Variants in KCNK18 observed in about 807,000 individuals in gnomAD.
The protein encoded by KCNK18 is potassium two pore domain channel subfamily K member 18, also known as potassium channel subfamily K member 18.
KCNK18 carries 8 observed loss-of-function variants against 11.8 expected under a neutral mutation model. That is an observed-to-expected ratio of 0.68 (90% CI 0.40 to 1.22). The LOEUF (loss-of-function observed/expected upper bound fraction) is 1.22, where lower values mean the gene tolerates loss of function less well. Among genes scored for constraint, KCNK18 ranks in the 50% most tolerant of loss-of-function variants. The pLI is 0.01. For synonymous variants in KCNK18, 208 were observed against 185.8 expected (o/e 1.12, Z -0.97); for missense variants, 442 against 465.4 (o/e 0.95, Z 0.46).
At chr10:117,208,835 G>A (rs1855107622) in intron 2 of KCNK18, among the ~76,000 whole-genome samples, 1 of 151,512 alleles carries the variant, frequency 6.6e-6, no homozygotes, top group African/African-American at 2.4e-5. Context: ...CCACCTCCCG[G>A]CTTCAAGTGA....
chr10:117,202,689 T>C (rs1308567160), intron 2 of KCNK18, among the ~76,000 whole-genome samples: 2 of 152,118 alleles, frequency 1.3e-5, no homozygotes, highest in Non-Finnish European at 2.9e-5. Flanking sequence ...GGCAAGGGGA[T>C]TGGAGCACCA....
At chr10:117,203,619 A>C (rs1250815264) in intron 2 of KCNK18, among the ~76,000 whole-genome samples, 1 of 152,170 alleles carries the variant, frequency 6.6e-6, no homozygotes, top group Non-Finnish European at 1.5e-5. Flanking sequence ...AGCTCACTGC[A>C]ACCTCCGCCT....
rs1220523754 is a variant in KCNK18, at chr10:117,210,107, C to T, written c.963C>T (p.Leu321=). The T allele has an allele frequency of 6.2e-7, 1 of 1,614,204 alleles. No individual in the cohort carries two copies. Residue 321 remains leucine, a synonymous_variant, in exon 3 of 3, where the codon CTC becomes CTT. Coordinates refer to ENST00000334549, the MANE Select transcript of KCNK18 (RefSeq NM_181840.1). ...ENAFYFCFVT[L]TTIGFGDTVL... Reference sequence around the variant, plus strand: ...CCTTCTATTTCTGCTTTGTCACACTCACCACCATTGGGTTTGGGGATACTG... The same window carrying T: ...CCTTCTATTTCTGCTTTGTCACACTTACCACCATTGGGTTTGGGGATACTG...
In KCNK18 at chr10:117,204,569, C is replaced by T. The variant is rs183404681; in HGVS notation, c.352+3282C>T. Among the ~76,000 whole-genome samples the T allele has an allele frequency of 1.9e-4, 29 of 152,304 alleles. No homozygotes were observed. In the East Asian group the frequency reaches 5.0e-3, roughly 26 times the overall value. On this transcript the variant is annotated intron_variant, in intron 2 of 2. Coordinates refer to ENST00000334549, the MANE Select transcript of KCNK18 (RefSeq NM_181840.1). ...ATTGCAATGGTTGTCAAAATGTGGT[C>T]CCTGAGTAACATCGACATCACTGGG...
Position 117,210,243 on chromosome 10 carries a change from A to AT in KCNK18, c.1099_1100insT (p.Lys367IlefsTer17), listed in dbSNP as rs1843748086. On this transcript the variant is annotated frameshift_variant, in exon 3 of 3. Transcript: ENST00000334549. LOFTEE classifies it low-confidence loss of function (END_TRUNC). ...GCAAAACAGGCTGATTGACATATAC[A>AT]AAAATGTTATGCTATTCTTTGCAAA... 1 of 1,614,064 alleles carries AT rather than the reference A, an allele frequency of 6.2e-7. No homozygotes were observed. The highest frequency in any genetic ancestry group is 1.3e-5 in the African/African-American group (1 of 74,952).
intron 2 of KCNK18, among the ~76,000 whole-genome samples, chr10:117,206,811 G>A (rs1241056275): frequency 6.6e-6 from 1 of 152,156 alleles, no homozygotes; most frequent in African/African-American, 2.4e-5. Context: ...GTGCACGGAG[G>A]CTAGGTTTCA....
intron 2 of KCNK18, among the ~76,000 whole-genome samples, chr10:117,204,530 T>C (rs1855055106): frequency 6.6e-6 from 1 of 152,156 alleles, no homozygotes; most frequent in Non-Finnish European, 1.5e-5. Context: ...TTGCCCGCTA[T>C]TGAGAAATGA....
rs147749657 is a variant in KCNK18, at chr10:117,210,151, T to C, written c.1007T>C (p.Phe336Ser). 1.4e-4 allele frequency: 227 copies of C among 1,614,108 alleles called. No homozygotes were observed. The highest frequency in any genetic ancestry group is 1.7e-4 in the Non-Finnish European group (196 of 1,180,062). Residue 336 changes from phenylalanine to serine, a missense_variant, in exon 3 of 3, where the codon TTC becomes TCC. Coordinates refer to ENST00000334549, the MANE Select transcript of KCNK18 (RefSeq NM_181840.1). ...GATACTGTTTTAGAACACCCTAACT[T>C]CTTCCTGTTCTTCTCCATTTATATC... ...FGDTVLEHPN[F>S]FLFFSIYIIV... is the part of the protein sequence containing the mutation.
In KCNK18 at chr10:117,210,077, G is replaced by A; in HGVS notation, c.933G>A (p.Glu311=). The change falls in exon 3 of 3, where the codon GAG becomes GAA. Residue 311 remains glutamate, a synonymous_variant. Coordinates refer to ENST00000334549, the MANE Select transcript of KCNK18 (RefSeq NM_181840.1). ...TCTGGGAGACACAGTTGGATTTCGA[G>A]AATGCCTTCTATTTCTGCTTTGTCA... The part of the protein sequence containing the change: ...LPFWETQLDF[E]NAFYFCFVTL... The A allele has an allele frequency of 6.2e-7, 1 of 1,614,174 alleles. No homozygotes were observed. Among genetic ancestry groups the A allele is most frequent in the Non-Finnish European group, 8.5e-7 (1 of 1,180,034 alleles).
rs1855117083 is a variant in KCNK18, at chr10:117,209,543, C to T, written c.399C>T (p.Cys133=). ...YPVTRLGKYL[C]MLYALFGIPL... ...TCACCAGGCTTGGCAAGTACTTGTG[C>T]ATGCTCTATGCTCTCTTTGGTATCC... Residue 133 remains cysteine (C), a synonymous_variant, in exon 3 of 3, where the codon TGC becomes TGT. Coordinates refer to ENST00000334549, the MANE Select transcript of KCNK18 (RefSeq NM_181840.1). 6.2e-7 allele frequency: 1 copy of T among 1,614,134 alleles called. No homozygotes were observed. Among genetic ancestry groups the T allele is most frequent in the East Asian group, 2.2e-5 (1 of 44,884 alleles).
At chr10:117,206,877 G>A (rs1855082988) in intron 2 of KCNK18, among the ~76,000 whole-genome samples, 1 of 152,174 alleles carries the variant, frequency 6.6e-6, no homozygotes, top group Non-Finnish European at 1.5e-5. Flanking sequence ...CACTGTCACT[G>A]TATGGATAAC....
intron 1 of KCNK18, 107 bp downstream of exon 1, chr10:117,197,818 G>A: frequency 1.1e-6 from 1 of 913,096 alleles, no homozygotes; most frequent in Non-Finnish European, 1.8e-6. Context: ...CTGCCTGCCT[G>A]GATCCTCCTC....
rs762326117 is a variant in KCNK18, at chr10:117,197,515, C to T, written c.27C>T (p.Ala9=). 40 of 1,613,608 alleles carry T rather than the reference C, an allele frequency of 2.5e-5. 1 individual carries two copies. The South Asian group carries it at 3.2e-4, about 13-fold the overall frequency. The change falls in exon 1 of 3, where the codon GCC becomes GCT. Residue 9 remains alanine, a synonymous_variant. Coordinates refer to ENST00000334549, the MANE Select transcript of KCNK18 (RefSeq NM_181840.1). MEVSGHPQ[A]RRCCPEALGK... Reference sequence around the variant, plus strand: ...TGGAGGTCTCGGGGCACCCCCAGGCCAGGAGATGCTGCCCAGAGGCCCTGG... The same window carrying T: ...TGGAGGTCTCGGGGCACCCCCAGGCTAGGAGATGCTGCCCAGAGGCCCTGG...
At chr10:117,199,921 G>C (rs894225859) in intron 1 of KCNK18, among the ~76,000 whole-genome samples, 1 of 152,184 alleles carries the variant, frequency 6.6e-6, no homozygotes, top group African/African-American at 2.4e-5. Context: ...GAGCCATTCA[G>C]GAACCTCTCT....
chr10:117,201,172 A>T lies in KCNK18; in HGVS notation c.237A>T (p.Arg79Ser). 1 of 1,614,218 alleles carries T rather than the reference A, an allele frequency of 6.2e-7. No homozygotes were observed. Among genetic ancestry groups the T allele is most frequent in the Non-Finnish European group, 8.5e-7 (1 of 1,180,036 alleles). Residue 79 changes from arginine to serine, a missense_variant, in exon 2 of 3, where the codon AGA becomes AGT. Arg to Ser is a moderately radical substitution (Grantham distance 110). Transcript: ENST00000334549. ...GTCTTTCTCCAGTGGTGGAAGACAG[A>T]AAACAGGATCTCCAGGGGCATCTGC... ...LNCSETVVED[R>S]KQDLQGHLQK...
rs750157980 is a variant in KCNK18, at chr10:117,202,885, G to GTTTTTTTTTTTTTTTTTTTT, written c.352+1598_352+1599insTTTTTTTTTTTTTTTTTTTT. Among the ~76,000 whole-genome samples, 7 of 111,294 alleles carry GTTTTTTTTTTTTTTTTTTTT rather than the reference G, an allele frequency of 6.3e-5. 3 individuals are homozygous for GTTTTTTTTTTTTTTTTTTTT. Among genetic ancestry groups the GTTTTTTTTTTTTTTTTTTTT allele is most frequent in the Non-Finnish European group, 3.5e-5 (2 of 57,276 alleles). 73.0% of individuals were successfully genotyped at this position (111,294 alleles called of 152,430 possible). A position where few individuals can be genotyped will look rare whatever the true frequency, so the allele number is the denominator to read the frequency against. On this transcript the variant is annotated intron_variant, in intron 2 of 2. Transcript: ENST00000334549. ...CGTGGTTTCTCCCATTTGCCTGAATGCTTTTTTTTTTTTTTTTTTTTTTGA... is the reference window on the plus strand; with the variant it reads ...CGTGGTTTCTCCCATTTGCCTGAATGTTTTTTTTTTTTTTTTTTTTCTTTTTTTTTTTTTTTTTTTTTTGA...
chr10:117,209,927 C>G lies in KCNK18; in HGVS notation c.783C>G (p.Leu261=). 4.3e-6 allele frequency: 7 copies of G among 1,614,216 alleles called. No homozygotes were observed. Among genetic ancestry groups the G allele is most frequent in the Non-Finnish European group, 5.1e-6 (6 of 1,180,050 alleles). Residue 261 remains leucine (L), a synonymous_variant, in exon 3 of 3, where the codon CTC becomes CTG. Coordinates refer to ENST00000334549, the MANE Select transcript of KCNK18 (RefSeq NM_181840.1). ...NSCPELVLGR[L]SYSIISNLDE... is the part of the protein sequence containing the mutation. Reference sequence around the variant, plus strand: ...GTCCCGAACTGGTGTTGGGAAGACTCTCATACTCCATCATCAGCAACCTGG... The same window carrying G: ...GTCCCGAACTGGTGTTGGGAAGACTGTCATACTCCATCATCAGCAACCTGG...
Position 117,201,332 on chromosome 10 carries a change from G to A in KCNK18, c.352+45G>A, listed in dbSNP as rs1347855921. 8.1e-6 allele frequency: 13 copies of A among 1,605,982 alleles called. No homozygotes were observed. In the African/African-American group the frequency reaches 1.2e-4, roughly 15 times the overall value. Reference sequence around the variant, plus strand: ...CCCCCTCACGGTGGCCCTGTGAAGGGTGGGTTTCTGGGTGGCAAAGGACAC... The same window carrying A: ...CCCCCTCACGGTGGCCCTGTGAAGGATGGGTTTCTGGGTGGCAAAGGACAC... On this transcript the variant is annotated intron_variant, in intron 2 of 2. Transcript: ENST00000334549.
chr10:117,202,887 T>TTTTTG lies in KCNK18; in HGVS notation c.352+1604_352+1605insGTTTT. On this transcript the variant is annotated intron_variant, in intron 2 of 2. Transcript: ENST00000334549. The stretch of plus-strand genomic sequence containing the variant: ...TGGTTTCTCCCATTTGCCTGAATGC[T>TTTTTG]TTTTTTTTTTTTTTTTTTTTTGAGA... Among the ~76,000 whole-genome samples the TTTTTG allele has an allele frequency of 2.5e-5, 2 of 78,950 alleles. 1 individual carries two copies. The highest frequency in any genetic ancestry group is 4.4e-5 in the Non-Finnish European group (2 of 45,766). 51.8% of individuals were successfully genotyped at this position (78,950 alleles called of 152,430 possible).
Sources: gnomAD v4.1 joint callset for allele counts (sites outside exome capture counted in the v4.1 genomes callset) on GRCh38, gnomAD v4.1.1 for gene constraint, MANE v1.5 for transcripts, NCBI Gene and HGNC (gene_info 2026-07-23, HGNC 2026-07-21) for gene names.